Variants in MAF observed in about 807,000 individuals in gnomAD.
The protein encoded by MAF is transcription factor Maf.
MAF carries 10 observed loss-of-function variants against 22.0 expected under a neutral mutation model. The ratio of observed to expected loss-of-function variants is 0.45; its 90% CI spans 0.28 to 0.77. MAF has a LOEUF of 0.77. Ranked by LOEUF, MAF falls within the 30% of genes least tolerant of loss-of-function variation. MAF has a pLI of 0.12. For synonymous variants in MAF, 337 were observed against 255.8 expected (o/e 1.32, Z -3.03); for missense variants, 544 against 548.4 (o/e 0.99, Z 0.08).
intron 1 of MAF, among the ~76,000 whole-genome samples, chr16:79,588,213 C>A (rs754153712): frequency 6.6e-5 from 10 of 152,124 alleles, no homozygotes; most frequent in Non-Finnish European, 5.9e-5. Context: ...AACCTGAAAA[C>A]GTGTTGCAGG....
At chr16:79,217,647 G>A in the MAF span, among the ~76,000 whole-genome samples, 1 of 152,050 alleles carries the variant, frequency 6.6e-6, no homozygotes, top group South Asian at 2.1e-4. Flanking sequence ...AGGAAGAGTA[G>A]GCCAGTTTCT....
chr16:79,445,840 A>AT, the MAF span, among the ~76,000 whole-genome samples: 1 of 152,234 alleles, frequency 6.6e-6, no homozygotes, highest in Non-Finnish European at 1.5e-5. Flanking sequence ...TATAGATGTT[A>AT]TTTCAAACCA....
At chr16:79,503,575 G>C in the MAF span, among the ~76,000 whole-genome samples, 1 of 152,126 alleles carries the variant, frequency 6.6e-6, no homozygotes, top group Non-Finnish European at 1.5e-5. Flanking sequence ...ATTCTTTGTG[G>C]ATTTCATTGT....
At chr16:79,445,323 G>A in the MAF span, among the ~76,000 whole-genome samples, 8 of 152,198 alleles carry the variant, frequency 5.3e-5, no homozygotes, top group South Asian at 8.3e-4. Context: ...GATTACAGGC[G>A]TGAGCCACTG....
chr16:79,481,981 A>G, the MAF span, among the ~76,000 whole-genome samples: 15 of 152,142 alleles, frequency 9.9e-5, no homozygotes, highest in African/African-American at 3.1e-4. Flanking sequence ...TGGAATTGGG[A>G]GAGACTGCAG....
the MAF span, among the ~76,000 whole-genome samples, chr16:79,231,206 T>C: frequency 6.6e-6 from 1 of 151,992 alleles, no homozygotes; most frequent in African/African-American, 2.4e-5. Context: ...GCCAATGGGC[T>C]CTTATGGGAC....
At chr16:79,437,332 C>T in the MAF span, among the ~76,000 whole-genome samples, 104,031 of 152,064 alleles carry the variant, frequency 0.68, 35,558 homozygotes, top group East Asian at 0.79. Context: ...CCGTGTAAAA[C>T]GGGAACATGA....
At position 79,598,958 on chromosome 16, in the gene MAF, G is replaced by A; in HGVS notation, c.945C>T (p.Val315=). Residue 315 remains valine, a synonymous_variant, in exon 1 of 2, where the codon GTC becomes GTT. Coordinates refer to ENST00000326043, the MANE Select transcript of MAF (RefSeq NM_005360.5). The stretch of plus-strand genomic sequence containing the variant: ...GCAGCTGGTTCTTCTCCGACTCCAG[G>A]ACGTGTCTCTGCTGCACCCTCTTGA... ...CRFKRVQQRH[V]LESEKNQLLQ... 1.9e-6 allele frequency: 3 copies of A among 1,613,748 alleles called. No homozygotes were observed. Among genetic ancestry groups the A allele is most frequent in the Non-Finnish European group, 2.5e-6 (3 of 1,179,950 alleles).
the MAF span, among the ~76,000 whole-genome samples, chr16:79,542,388 G>C: frequency 6.6e-6 from 1 of 152,272 alleles, no homozygotes; most frequent in East Asian, 1.9e-4. Context: ...GTAAGTGCCT[G>C]TTGGATTAGA....
At chr16:79,230,954 A>G in the MAF span, among the ~76,000 whole-genome samples, 1 of 152,092 alleles carries the variant, frequency 6.6e-6, no homozygotes, top group South Asian at 2.1e-4. Context: ...AAATATACGG[A>G]TATCACTTGC....
the MAF span, among the ~76,000 whole-genome samples, chr16:79,226,252 C>T: frequency 6.6e-6 from 1 of 152,116 alleles, no homozygotes; most frequent in African/African-American, 2.4e-5. Flanking sequence ...AGCTGAAAAC[C>T]AACATTCTCA....
the MAF span, among the ~76,000 whole-genome samples, chr16:79,292,245 C>G: frequency 6.6e-6 from 1 of 152,094 alleles, no homozygotes; most frequent in Non-Finnish European, 1.5e-5. Context: ...AGAAGACATA[C>G]TGGATTAGGG....
chr16:79,205,771 T>C, the MAF span: 1 of 152,202 alleles, frequency 6.6e-6, no homozygotes, highest in Non-Finnish European at 1.5e-5. Flanking sequence ...GTCAGGAATT[T>C]GTAGGAATGA....
At chr16:79,214,465 G>T in the MAF span, among the ~76,000 whole-genome samples, 1 of 152,110 alleles carries the variant, frequency 6.6e-6, no homozygotes, top group Admixed American at 6.5e-5. Flanking sequence ...CAGTGCAATG[G>T]CATGATCTCA....
At chr16:79,486,052 A>G in the MAF span, among the ~76,000 whole-genome samples, 47 of 152,316 alleles carry the variant, frequency 3.1e-4, 3 homozygotes, top group Admixed American at 2.6e-3. Context: ...CAGAGAAAAT[A>G]AAAGGTCAAA....
the MAF span, among the ~76,000 whole-genome samples, chr16:79,492,981 T>C: frequency 6.6e-6 from 1 of 150,754 alleles, no homozygotes; most frequent in Non-Finnish European, 1.5e-5. Context: ...TTTTTGGAGG[T>C]AGAGACTCAC....
the MAF span, among the ~76,000 whole-genome samples, chr16:79,446,963 A>G: frequency 1.3e-5 from 2 of 152,158 alleles, no homozygotes; most frequent in Non-Finnish European, 2.9e-5. Flanking sequence ...GAAAAAGTAA[A>G]AGAAATCAAC....
the MAF span, among the ~76,000 whole-genome samples, chr16:79,233,251 C>G: frequency 6.6e-6 from 1 of 151,970 alleles, no homozygotes; most frequent in African/African-American, 2.4e-5. Flanking sequence ...ACTCACTCAA[C>G]AAACAATCAC....
the MAF span, chr16:79,211,657 A>G: frequency 6.2e-7 from 1 of 1,614,158 alleles, no homozygotes; most frequent in Non-Finnish European, 8.5e-7. Context: ...CCAGAACTGG[A>G]GGGTCTGGGA....
Sources: gnomAD v4.1 joint callset for allele counts (sites outside exome capture counted in the v4.1 genomes callset) on GRCh38, gnomAD v4.1.1 for gene constraint, MANE v1.5 for transcripts, NCBI Gene and HGNC (gene_info 2026-07-23, HGNC 2026-07-21) for gene names.